The following ZMYM4 variants were observed in gnomAD, a reference collection of about 807,000 sequenced individuals.
ZMYM4 encodes the protein zinc finger MYM-type protein 4.
Under a neutral mutation model 183.2 loss-of-function variants are expected in ZMYM4, and 31 were observed. The observed-to-expected ratio is 0.17, with a 90% CI of 0.13 to 0.23. The LOEUF (loss-of-function observed/expected upper bound fraction) is 0.23, where lower values mean the gene tolerates loss of function less well. Ranked by LOEUF, ZMYM4 falls within the 10% of genes least tolerant of loss-of-function variation. The pLI is 1.00. For synonymous variants in ZMYM4, 592 were observed against 631.2 expected (o/e 0.94, Z 0.93); for missense variants, 1,273 against 1,840.3 (o/e 0.69, Z 5.64).
chr1:35,333,770 G>A (rs573967632), intron 2 of ZMYM4, among the ~76,000 whole-genome samples: 1 of 151,980 alleles, frequency 6.6e-6, no homozygotes, highest in African/African-American at 2.4e-5. Context: ...AACAAAAATG[G>A]GATCATATAC....
chr1:35,280,177 C>G (rs1157351250), intron 1 of ZMYM4, among the ~76,000 whole-genome samples: 2 of 148,034 alleles, frequency 1.4e-5, no homozygotes, highest in Non-Finnish European at 3.0e-5. Flanking sequence ...CCTCCCTTCC[C>G]CCCTTCCCTT....
At position 35,268,921 on chromosome 1, in the gene ZMYM4, G is replaced by A. The variant is rs1639441736; in HGVS notation, c.-126G>A. ...CGCCCCCTCCCCACTCTCGGCGCAA[G>A]GCCCGGCCGGGTCCGGGGAAGCTGC... On this transcript the variant is annotated 5_prime_UTR_variant, in exon 1 of 30. Coordinates refer to ENST00000314607, the MANE Select transcript of ZMYM4 (RefSeq NM_005095.3). 1 of 1,128,150 alleles carries A rather than the reference G, an allele frequency of 8.9e-7. No individual in the cohort carries two copies. Among genetic ancestry groups the A allele is most frequent in the South Asian group, 3.4e-5 (1 of 29,420 alleles). The allele number at this position is 1,128,150 out of a possible 1,614,324, so 69.9% of individuals were successfully genotyped here. A position where few individuals can be genotyped will look rare whatever the true frequency, so the allele number is the denominator to read the frequency against.
intron 1 of ZMYM4, among the ~76,000 whole-genome samples, chr1:35,303,495 G>T (rs1247642380): frequency 6.6e-6 from 1 of 151,504 alleles, no homozygotes; most frequent in Non-Finnish European, 1.5e-5. Flanking sequence ...AACCTCCGCC[G>T]TCTGGGTTCA....
At chr1:35,302,378 C>CTTTTTTT (rs1179477732) in intron 1 of ZMYM4, among the ~76,000 whole-genome samples, 3 of 86,160 alleles carry the variant, frequency 3.5e-5, no homozygotes, top group Non-Finnish European at 4.5e-5. Flanking sequence ...GCTAATTTGA[C>CTTTTTTT]TTTTTTTTTT....
At chr1:35,344,070 T>C (rs1643302893) in intron 2 of ZMYM4, among the ~76,000 whole-genome samples, 1 of 151,674 alleles carries the variant, frequency 6.6e-6, no homozygotes, top group Non-Finnish European at 1.5e-5. Context: ...CCTTTTTTTT[T>C]TTTGAGACAT....
chr1:35,285,474 C>G (rs569597013), intron 1 of ZMYM4, among the ~76,000 whole-genome samples: 1 of 152,094 alleles, frequency 6.6e-6, no homozygotes, highest in South Asian at 2.1e-4. Flanking sequence ...GAACTCACTA[C>G]AGTCTGTCCT....
intron 1 of ZMYM4, among the ~76,000 whole-genome samples, chr1:35,276,385 ACT>A (rs1453422748): frequency 6.6e-5 from 10 of 152,058 alleles, no homozygotes; most frequent in African/African-American, 2.4e-4. Flanking sequence ...ATCTATAAAT[ACT>A]TCCGTGTGTA....
rs1017745452 is a variant in ZMYM4, at chr1:35,392,773, T to G, written c.2766+89T>G. 3.2e-6 allele frequency: 3 copies of G among 932,384 alleles called. No homozygotes were observed. The African/African-American group carries it at 5.3e-5, about 16-fold the overall frequency. The allele number at this position is 932,384 out of a possible 1,614,324, so 57.8% of individuals were successfully genotyped here. On this transcript the variant is annotated intron_variant, in intron 17 of 29. Coordinates refer to ENST00000314607, the MANE Select transcript of ZMYM4 (RefSeq NM_005095.3). Reference sequence around the variant, plus strand: ...ATATGTGTGAACTAATTTGCCCTCCTTCTTTATTATATGAAATAGATTTCA... The same window carrying G: ...ATATGTGTGAACTAATTTGCCCTCCGTCTTTATTATATGAAATAGATTTCA...
chr1:35,333,207 T>A (rs990202261), intron 2 of ZMYM4, among the ~76,000 whole-genome samples: 3 of 152,048 alleles, frequency 2.0e-5, no homozygotes, highest in African/African-American at 7.2e-5. Flanking sequence ...TGGCATTAAC[T>A]ATTTCCAGTA....
intron 1 of ZMYM4, among the ~76,000 whole-genome samples, chr1:35,305,857 C>G (rs1641511051): frequency 6.6e-6 from 1 of 152,098 alleles, no homozygotes; most frequent in African/African-American, 2.4e-5. Context: ...TGCATACTTT[C>G]TCTTTAGGCC....
chr1:35,281,047 G>A (rs1298149456), intron 1 of ZMYM4, among the ~76,000 whole-genome samples: 1 of 152,138 alleles, frequency 6.6e-6, no homozygotes, highest in Non-Finnish European at 1.5e-5. Context: ...CACATTGAGA[G>A]GCCACTGCGG....
chr1:35,388,991 C>T lies in ZMYM4; in HGVS notation c.2345C>T (p.Ser782Phe). 6.2e-7 allele frequency: 1 copy of T among 1,614,112 alleles called. No individual in the cohort carries two copies. The highest frequency in any genetic ancestry group is 8.5e-7 in the Non-Finnish European group (1 of 1,180,002). ...CKMCSYCLQTSPKLVQNNLGG... is the reference protein window; with the variant it reads ...CKMCSYCLQTFPKLVQNNLGG... The stretch of plus-strand genomic sequence containing the variant: ...ATGTGCAGTTATTGTTTACAGACAT[C>T]TCCCAAATTGGTACAGAATAATTTA... The change falls in exon 14 of 30, where the codon TCT becomes TTT. Residue 782 changes from serine to phenylalanine, a missense_variant. Physicochemically the swap from Ser to Phe is radical, Grantham distance 155 (BLOSUM62 -2). Around this residue, in one of 6 missense-constraint regions of ZMYM4, gnomAD observed 319 missense variants for 518.1 expected, o/e 0.62. Coordinates refer to ENST00000314607, the MANE Select transcript of ZMYM4 (RefSeq NM_005095.3).
At chr1:35,269,870 A>G (rs1176868798) in intron 1 of ZMYM4, among the ~76,000 whole-genome samples, 1 of 152,184 alleles carries the variant, frequency 6.6e-6, no homozygotes, top group East Asian at 1.9e-4. Flanking sequence ...ATACTGTACT[A>G]TCGATTGAGC....
At position 35,359,198 on chromosome 1, in the gene ZMYM4, A is replaced by C; in HGVS notation, c.359A>C (p.His120Pro). 1 of 1,613,326 alleles carries C rather than the reference A, an allele frequency of 6.2e-7. No individual in the cohort carries two copies. ...GAAGTAGAGAGAAGAGTCACACAGC[A>C]TGAATCAGACAATGAAAATGAAATA... Reference protein sequence around the residue: ...SLEVERRVTQHESDNENEIQI... With the variant: ...SLEVERRVTQPESDNENEIQI... The change falls in exon 3 of 30, where the codon CAT becomes CCT. Residue 120 changes from histidine to proline, a missense_variant. By Grantham distance (77) the His-to-Pro change is moderately conservative. Coordinates refer to ENST00000314607, the MANE Select transcript of ZMYM4 (RefSeq NM_005095.3).
chr1:35,408,574 CA>C (rs1219702397), intron 26 of ZMYM4, among the ~76,000 whole-genome samples: 1 of 151,798 alleles, frequency 6.6e-6, no homozygotes, highest in Non-Finnish European at 1.5e-5. Context: ...ACTATCTCTA[CA>C]AAAAATAAAA....
chr1:35,312,320 C>T (rs951324336), intron 1 of ZMYM4, among the ~76,000 whole-genome samples: 1 of 152,170 alleles, frequency 6.6e-6, no homozygotes, highest in Non-Finnish European at 1.5e-5. Context: ...TTCTGCTCTG[C>T]AGTCTTTCTC....
At chr1:35,360,634 C>T (rs958719008) in intron 3 of ZMYM4, among the ~76,000 whole-genome samples, 5 of 152,078 alleles carry the variant, frequency 3.3e-5, no homozygotes, top group East Asian at 1.9e-4. Context: ...CAAGTCAGGC[C>T]GTAGAAGTGC....
At chr1:35,273,215 G>C (rs1023308839) in intron 1 of ZMYM4, among the ~76,000 whole-genome samples, 1 of 152,162 alleles carries the variant, frequency 6.6e-6, no homozygotes, top group Admixed American at 6.5e-5. Context: ...CTAGTATAGA[G>C]AGAATTAAGT....
In ZMYM4 at chr1:35,387,463, T is replaced by G; in HGVS notation, c.2122T>G (p.Phe708Val). 6.2e-7 allele frequency: 1 copy of G among 1,606,360 alleles called. No individual in the cohort carries two copies. The highest frequency in any genetic ancestry group is 8.5e-7 in the Non-Finnish European group (1 of 1,177,570). ...PELLDYKGKM[F>V]QFCGKNCSDE... ...GATTATTTCTTTGCAGGGCAAAATGTTTCAGTTCTGTGGCAAGAATTGTTC... is the reference window on the plus strand; with the variant it reads ...GATTATTTCTTTGCAGGGCAAAATGGTTCAGTTCTGTGGCAAGAATTGTTC... The change falls in exon 13 of 30, where the codon TTT becomes GTT. Residue 708 changes from phenylalanine to valine, a missense_variant. Phe to Val is a conservative substitution (Grantham distance 50). Around this residue, in one of 6 missense-constraint regions of ZMYM4, gnomAD observed 319 missense variants for 518.1 expected, o/e 0.62. Coordinates refer to ENST00000314607, the MANE Select transcript of ZMYM4 (RefSeq NM_005095.3).
Sources: gnomAD v4.1 joint callset for allele counts (sites outside exome capture counted in the v4.1 genomes callset) on GRCh38, gnomAD v4.1.1 for gene constraint, gnomAD v4.1.1 regional missense constraint, MANE v1.5 for transcripts, NCBI Gene and HGNC (gene_info 2026-07-23, HGNC 2026-07-21) for gene names.